MCHR2: variants seen among roughly 807,000 people sequenced by gnomAD.
MCHR2 encodes the protein melanin-concentrating hormone receptor 2.
In MCHR2, 15 loss-of-function variants were observed where a neutral mutation model predicts 24.8. The observed-to-expected ratio is 0.60, with a 90% confidence interval of 0.40 to 0.93. The LOEUF (loss-of-function observed/expected upper bound fraction) is 0.93, where lower values mean the gene tolerates loss of function less well. Among genes scored for constraint, MCHR2 ranks in the 40% least tolerant of loss-of-function variants. The pLI is 0.00. For missense variants in MCHR2, 386 were observed against 408.7 expected (o/e 0.94, Z 0.48); for synonymous variants, 151 against 147.6 (o/e 1.02, Z -0.17).
chr6:99,966,081 C>T (rs1775291718), intron 1 of MCHR2, among the ~76,000 whole-genome samples: 1 of 152,160 alleles, frequency 6.6e-6, no homozygotes, highest in South Asian at 2.1e-4. Flanking sequence ...TTCCACCTCT[C>T]TATACAACTT....
At chr6:99,949,043 T>C (rs1427040552) in intron 2 of MCHR2, among the ~76,000 whole-genome samples, 8 of 152,104 alleles carry the variant, frequency 5.3e-5, no homozygotes, top group Non-Finnish European at 2.9e-5. Context: ...GTGAAATACA[T>C]TTCTGAGAGC....
chr6:99,961,676 G>C (rs1018540201), intron 1 of MCHR2, among the ~76,000 whole-genome samples: 1 of 152,052 alleles, frequency 6.6e-6, no homozygotes, highest in Non-Finnish European at 1.5e-5. Flanking sequence ...TAGACACAGG[G>C]TGGGGGACAT....
chr6:99,975,551 G>T (rs964197780), intron 1 of MCHR2, among the ~76,000 whole-genome samples: 1 of 152,212 alleles, frequency 6.6e-6, no homozygotes, highest in Non-Finnish European at 1.5e-5. Context: ...CCCTGCTTCA[G>T]CTCGTGCATG....
chr6:99,979,687 G>C (rs1314283280), intron 1 of MCHR2, among the ~76,000 whole-genome samples: 25 of 152,110 alleles, frequency 1.6e-4, no homozygotes, highest in Admixed American at 1.5e-3. Flanking sequence ...ATTTGTATTT[G>C]TTCCTCCTAT....
chr6:99,931,997 C>G (rs1458512668), intron 5 of MCHR2, among the ~76,000 whole-genome samples: 3 of 152,086 alleles, frequency 2.0e-5, no homozygotes, highest in Non-Finnish European at 4.4e-5. Flanking sequence ...CCTCCATGTC[C>G]TTTTATTTCT....
At chr6:99,988,173 C>T (rs1775802909) in intron 1 of MCHR2, among the ~76,000 whole-genome samples, 1 of 152,206 alleles carries the variant, frequency 6.6e-6, no homozygotes, top group South Asian at 2.1e-4. Context: ...TTAAACATAA[C>T]AGTGAAGTCC....
rs374296122 is a variant in MCHR2, at chr6:99,984,141, C to T, written c.-28+9795G>A. The stretch of plus-strand genomic sequence containing the variant: ...TTTTGTCTTCTGTTATACACACATA[C>T]ATGCACATACACATATATACATACA... On this transcript the variant is annotated intron_variant, in intron 1 of 5. Coordinates refer to ENST00000281806, the MANE Select transcript of MCHR2 (RefSeq NM_001040179.2). Among the ~76,000 whole-genome samples, 28 of 152,238 alleles carry T rather than the reference C, an allele frequency of 1.8e-4. No homozygotes were observed. The East Asian group carries it at 5.2e-3, about 28-fold the overall frequency.
intron 1 of MCHR2, among the ~76,000 whole-genome samples, chr6:99,969,039 C>T (rs886992678): frequency 1.3e-5 from 2 of 152,092 alleles, no homozygotes; most frequent in African/African-American, 4.8e-5. Context: ...TGAAAAGTCT[C>T]AAATCAATAA....
chr6:99,980,399 C>G (rs1775643497), intron 1 of MCHR2, among the ~76,000 whole-genome samples: 1 of 152,126 alleles, frequency 6.6e-6, no homozygotes, highest in Admixed American at 6.5e-5. Context: ...ATGGCCTGGT[C>G]AGATCCAGTT....
At chr6:99,970,834 C>T (rs1775400210) in intron 1 of MCHR2, among the ~76,000 whole-genome samples, 1 of 152,202 alleles carries the variant, frequency 6.6e-6, no homozygotes, top group Non-Finnish European at 1.5e-5. Flanking sequence ...TTCCCCATTG[C>T]TTGTTTTTGT....
intron 3 of MCHR2, 121 bp downstream of exon 3, chr6:99,947,641 T>A: frequency 1.1e-6 from 1 of 931,814 alleles, no homozygotes; most frequent in South Asian, 1.6e-5. Flanking sequence ...AGTTCTACAG[T>A]GAAACAAAGG....
chr6:99,964,500 C>A (rs1410512775), intron 1 of MCHR2, among the ~76,000 whole-genome samples: 2 of 152,076 alleles, frequency 1.3e-5, no homozygotes, highest in African/African-American at 2.4e-5. Context: ...AAAGGAGAAG[C>A]AGGCACCTTC....
At position 99,987,616 on chromosome 6, in the gene MCHR2, T is replaced by C. The variant is rs1231789398; in HGVS notation, c.-28+6320A>G. Among the ~76,000 whole-genome samples the C allele has an allele frequency of 2.0e-5, 3 of 152,212 alleles. No homozygotes were observed. In the East Asian group the frequency reaches 5.8e-4, roughly 29 times the overall value. On this transcript the variant is annotated intron_variant, in intron 1 of 5. Transcript: ENST00000281806. ...ATTCCATGCTTTTTCCACTACATTATGCTTCTTCTGAAAGTCTGCATACAC... is the reference window on the plus strand; with the variant it reads ...ATTCCATGCTTTTTCCACTACATTACGCTTCTTCTGAAAGTCTGCATACAC...
chr6:99,970,241 T>A (rs1259007758), intron 1 of MCHR2, among the ~76,000 whole-genome samples: 2 of 152,104 alleles, frequency 1.3e-5, no homozygotes, highest in Non-Finnish European at 2.9e-5. Flanking sequence ...GACTTTTTAA[T>A]GATGGCCATT....
At chr6:99,993,540 G>A (rs74561970) in intron 1 of MCHR2, among the ~76,000 whole-genome samples, 5,400 of 152,106 alleles carry the variant, frequency 0.036, 122 homozygotes, top group Non-Finnish European at 0.049. Flanking sequence ...TCGCCTCCTC[G>A]CCTTCGCCAC....
At chr6:99,923,680 G>C (rs960722335) in intron 5 of MCHR2, among the ~76,000 whole-genome samples, 14 of 151,688 alleles carry the variant, frequency 9.2e-5, no homozygotes, top group African/African-American at 2.9e-4. Flanking sequence ...ATCATATGTT[G>C]ATCATTTAAA....
At chr6:99,959,380 G>C (rs1775134295) in intron 1 of MCHR2, among the ~76,000 whole-genome samples, 1 of 151,878 alleles carries the variant, frequency 6.6e-6, no homozygotes, top group African/African-American at 2.4e-5. Context: ...GCTTGGTGAA[G>C]ATGTTTCCCT....
chr6:99,962,329 C>T (rs1186746816), intron 1 of MCHR2, among the ~76,000 whole-genome samples: 1 of 152,122 alleles, frequency 6.6e-6, no homozygotes, highest in Non-Finnish European at 1.5e-5. Context: ...AGTAATGGTG[C>T]ACAATTTAAA....
chr6:99,989,843 T>G (rs1280591623), intron 1 of MCHR2, among the ~76,000 whole-genome samples: 2 of 152,150 alleles, frequency 1.3e-5, no homozygotes, highest in African/African-American at 4.8e-5. Flanking sequence ...TAGTACACAA[T>G]TTTATAACAT....
Sources: gnomAD v4.1 joint callset for allele counts (sites outside exome capture counted in the v4.1 genomes callset) on GRCh38, gnomAD v4.1.1 for gene constraint, MANE v1.5 for transcripts, NCBI Gene and HGNC (gene_info 2026-07-23, HGNC 2026-07-21) for gene names.